The following FHOD3 variants were observed in gnomAD, a reference collection of about 807,000 sequenced individuals.
FHOD3 encodes the protein formin homology 2 domain containing 3.
FHOD3 carries 90 observed loss-of-function variants against 173.0 expected under a neutral mutation model. The observed-to-expected ratio is 0.52, with a 90% CI of 0.44 to 0.62. FHOD3 has a LOEUF of 0.62. Among genes scored for constraint, FHOD3 ranks in the 20% least tolerant of loss-of-function variants. The pLI is 0.00. For missense variants in FHOD3, 1,945 were observed against 2,034.7 expected (o/e 0.96, Z 0.85); for synonymous variants, 828 against 823.0 (o/e 1.01, Z -0.10).
chr18:36,522,009 CAGG>C (rs2056301666), intron 5 of FHOD3, among the ~76,000 whole-genome samples: 3 of 152,192 alleles, frequency 2.0e-5, no homozygotes, highest in Admixed American at 2.0e-4. Flanking sequence ...TTGTAATCTC[CAGG>C]AGATCTTCCC....
At chr18:36,662,070 A>G (rs1486116898) in intron 14 of FHOD3, among the ~76,000 whole-genome samples, 5 of 152,262 alleles carry the variant, frequency 3.3e-5, no homozygotes, top group African/African-American at 4.8e-5. Flanking sequence ...TATTTGAACT[A>G]TTTGTGTTCA....
chr18:36,493,826 G>A (rs1470011938), intron 3 of FHOD3, among the ~76,000 whole-genome samples: 2 of 152,186 alleles, frequency 1.3e-5, no homozygotes, highest in Non-Finnish European at 2.9e-5. Flanking sequence ...AGGGGAAAAA[G>A]GAAAGTTATT....
intron 10 of FHOD3, among the ~76,000 whole-genome samples, chr18:36,644,004 G>C (rs976995904): frequency 6.6e-6 from 1 of 152,152 alleles, no homozygotes; most frequent in Non-Finnish European, 1.5e-5. Flanking sequence ...ATTAGCCTGA[G>C]ACCCAAATCC....
chr18:36,740,891 G>C (rs1038247139), intron 21 of FHOD3, 53 bp downstream of exon 21: 2 of 1,548,286 alleles, frequency 1.3e-6, no homozygotes, highest in African/African-American at 2.8e-5. Context: ...TGTTGAGAAA[G>C]GCAGTTTTTC....
At position 36,297,753 on chromosome 18, in the gene FHOD3, C is replaced by A. The variant is rs1163789251; in HGVS notation, c.-83C>A. ...CGAGCCAGCGAGCTGCGGCTGCGGC[C>A]TCCCCTGCGCGCAGCTACCCGGGCG... On this transcript the variant is annotated 5_prime_UTR_variant, in exon 1 of 29. Coordinates refer to ENST00000590592, the MANE Select transcript of FHOD3 (RefSeq NM_001281740.3). The A allele has an allele frequency of 1.9e-5, 22 of 1,168,298 alleles. No homozygotes were observed. Among genetic ancestry groups the A allele is most frequent in the East Asian group, 3.5e-5 (1 of 28,508 alleles). 72.4% of individuals were successfully genotyped at this position (1,168,298 alleles called of 1,614,324 possible).
chr18:36,381,569 C>G (rs960091931), intron 3 of FHOD3, among the ~76,000 whole-genome samples: 1 of 152,176 alleles, frequency 6.6e-6, no homozygotes, highest in Non-Finnish European at 1.5e-5. Context: ...GGGTTTGGTT[C>G]CTTGGTCCTG....
chr18:36,752,609 A>T (rs927451619), intron 24 of FHOD3, among the ~76,000 whole-genome samples: 1 of 152,348 alleles, frequency 6.6e-6, no homozygotes, highest in African/African-American at 2.4e-5. Flanking sequence ...CTGAAGGAAT[A>T]CCATAGTTTC....
At chr18:36,574,772 T>C (rs1687479022) in intron 5 of FHOD3, among the ~76,000 whole-genome samples, 1 of 152,162 alleles carries the variant, frequency 6.6e-6, no homozygotes, top group South Asian at 2.1e-4. Flanking sequence ...TTAATGAGCA[T>C]CATTTAAAAA....
At chr18:36,475,751 T>TACACACACACACACAC (rs58982535) in intron 3 of FHOD3, among the ~76,000 whole-genome samples, 71 of 142,968 alleles carry the variant, frequency 5.0e-4, no homozygotes, top group Non-Finnish European at 9.2e-4. Flanking sequence ...TATAGAAACA[T>TACACACACACACACAC]ACACACACAC....
At chr18:36,510,748 G>C (rs1386239072) in intron 4 of FHOD3, among the ~76,000 whole-genome samples, 1 of 152,170 alleles carries the variant, frequency 6.6e-6, no homozygotes, top group East Asian at 1.9e-4. Flanking sequence ...ATACATATGA[G>C]TGTAAAGTAA....
At chr18:36,519,955 A>T (rs1235343219) in intron 5 of FHOD3, among the ~76,000 whole-genome samples, 178 of 132,002 alleles carry the variant, frequency 1.3e-3, no homozygotes, top group Middle Eastern at 3.8e-3. Flanking sequence ...CTTTTCTTTC[A>T]TTTTTTTTTT....
chr18:36,582,255 T>A (rs2058878489), intron 6 of FHOD3, among the ~76,000 whole-genome samples: 1 of 152,182 alleles, frequency 6.6e-6, no homozygotes. Flanking sequence ...AGCCCTCTGG[T>A]CTTGGAGCCA....
At chr18:36,322,475 G>A (rs1160882496) in intron 1 of FHOD3, among the ~76,000 whole-genome samples, 1 of 152,110 alleles carries the variant, frequency 6.6e-6, no homozygotes, top group Non-Finnish European at 1.5e-5. Flanking sequence ...GCAGGAGCAG[G>A]TACACCAGTA....
At chr18:36,680,988 G>C (rs2038200220) in intron 14 of FHOD3, among the ~76,000 whole-genome samples, 1 of 152,306 alleles carries the variant, frequency 6.6e-6, no homozygotes, top group South Asian at 2.1e-4. Context: ...TCATGATGCT[G>C]AGGTTTAAGC....
chr18:36,374,595 AG>A (rs1052251367), intron 3 of FHOD3, among the ~76,000 whole-genome samples: 1 of 152,234 alleles, frequency 6.6e-6, no homozygotes, highest in African/African-American at 2.4e-5. Flanking sequence ...ATAAAAGGCG[AG>A]GGGGAATATT....
intron 5 of FHOD3, among the ~76,000 whole-genome samples, chr18:36,555,503 G>C (rs1034951722): frequency 6.6e-6 from 1 of 151,956 alleles, no homozygotes; most frequent in African/African-American, 2.4e-5. Flanking sequence ...TGTATATTCT[G>C]TTGTTCTTGT....
chr18:36,773,259 C>T (rs1452323010), intron 28 of FHOD3, among the ~76,000 whole-genome samples: 1 of 152,092 alleles, frequency 6.6e-6, no homozygotes, highest in Non-Finnish European at 1.5e-5. Context: ...TCTGTAAGTC[C>T]CCCCCACAGT....
chr18:36,486,202 C>G (rs1474054297), intron 3 of FHOD3, among the ~76,000 whole-genome samples: 1 of 152,192 alleles, frequency 6.6e-6, no homozygotes, highest in Non-Finnish European at 1.5e-5. Flanking sequence ...CTGTCTACAT[C>G]CACCACTTTG....
At chr18:36,358,019 T>C (rs1031678975) in intron 2 of FHOD3, among the ~76,000 whole-genome samples, 11 of 152,344 alleles carry the variant, frequency 7.2e-5, no homozygotes, top group African/African-American at 2.4e-4. Context: ...AGGCTCCCTA[T>C]TCACAAGATC....
Sources: gnomAD v4.1 joint callset for allele counts (sites outside exome capture counted in the v4.1 genomes callset) on GRCh38, gnomAD v4.1.1 for gene constraint, MANE v1.5 for transcripts, NCBI Gene and HGNC (gene_info 2026-07-23, HGNC 2026-07-21) for gene names.